TCF20: variants seen among roughly 807,000 people sequenced by gnomAD.
TCF20 encodes transcription factor 20.
TCF20 carries 3 observed loss-of-function variants against 148.6 expected under a neutral mutation model. That is an observed-to-expected ratio of 0.02 (90% confidence interval 0.01 to 0.05). The LOEUF (loss-of-function observed/expected upper bound fraction) is 0.05. Ranked by LOEUF, TCF20 falls within the 10% of genes least tolerant of loss-of-function variation. The pLI, the probability that TCF20 is intolerant of heterozygous loss-of-function variation, is 1.00. For synonymous variants in TCF20, 1,049 were observed against 909.5 expected, an observed-to-expected ratio of 1.15 and a Z score of -2.76; for missense variants, 2,350 against 2,429.3, an observed-to-expected ratio of 0.97 and a Z score of 0.69.
chr22:42,246,998 G>C (rs543186781), intron 1 of TCF20, among the ~76,000 whole-genome samples: 1 of 147,502 alleles, frequency 6.8e-6, no homozygotes, highest in East Asian at 2.0e-4. Context: ...AAGGAAAAAA[G>C]AAAGGTATAA....
chr22:42,174,795 G>T (rs764264913), intron 3 of TCF20, among the ~76,000 whole-genome samples: 6 of 151,952 alleles, frequency 3.9e-5, no homozygotes, highest in African/African-American at 9.7e-5. Flanking sequence ...CAGCACTTTG[G>T]GGGGCCAAGG....
rs1320957208 is a variant in TCF20 at position 42,215,110 on chromosome 22, C to T, written c.196G>A (p.Ala66Thr). 3 of 1,614,078 alleles carry T rather than the reference C, an allele frequency of 1.9e-6. No homozygotes were observed. Among genetic ancestry groups the T allele is most frequent in the Non-Finnish European group, 2.5e-6 (3 of 1,180,034 alleles). Reference protein sequence around the residue: ...GGGRRGAAAAAAAMASETSGH... With the variant: ...GGGRRGAAAATAAMASETSGH... Reference sequence around the variant, plus strand: ...GAGGTCTCGCTAGCCATCGCTGCCGCAGCAGCTGCTGCTCCTCGTCGTCCA... The same window carrying T: ...GAGGTCTCGCTAGCCATCGCTGCCGTAGCAGCTGCTGCTCCTCGTCGTCCA... Residue 66 changes from alanine (A) to threonine (T), a missense_variant, in exon 2 of 6, where the codon GCG becomes ACG. Ala to Thr is a moderately conservative substitution (Grantham distance 58). Transcript: ENST00000677622.
chr22:42,208,841 C>A (rs1041659108), intron 2 of TCF20, among the ~76,000 whole-genome samples: 3 of 152,124 alleles, frequency 2.0e-5, no homozygotes, highest in African/African-American at 7.2e-5. Context: ...ATTGCCTGAA[C>A]TGAAAGACAT....
chr22:42,260,005 T>C (rs1002917398), intron 1 of TCF20, among the ~76,000 whole-genome samples: 1 of 152,166 alleles, frequency 6.6e-6, no homozygotes, highest in Admixed American at 6.5e-5. Context: ...ATTCAGACTA[T>C]GATAAAAGCT....
intron 2 of TCF20, among the ~76,000 whole-genome samples, chr22:42,194,617 C>T (rs1209039550): frequency 6.6e-6 from 1 of 151,452 alleles, no homozygotes; most frequent in Admixed American, 6.6e-5. Context: ...GCGGGGGTAG[C>T]GGTAGATGGT....
intron 1 of TCF20, among the ~76,000 whole-genome samples, chr22:42,262,164 G>A (rs1452784116): frequency 1.3e-5 from 2 of 152,160 alleles, no homozygotes; most frequent in African/African-American, 4.8e-5. Flanking sequence ...AAGTGCTATG[G>A]AAAACCATTA....
chr22:42,210,015 G>A lies in TCF20; in HGVS notation c.5291C>T (p.Thr1764Ile). The A allele has an allele frequency of 6.2e-7, 1 of 1,612,818 alleles. No individual in the cohort carries two copies. The highest frequency in any genetic ancestry group is 8.5e-7 in the Non-Finnish European group (1 of 1,180,018). ...CTGCTGCTGCTCTTCCTCCTCCTCAGTGTCCGTCTTGGAGCCATTAGAAGC... is the reference window on the plus strand; with the variant it reads ...CTGCTGCTGCTCTTCCTCCTCCTCAATGTCCGTCTTGGAGCCATTAGAAGC... ...KSASNGSKTD[T>I]EEEEEQQQQQ... Residue 1764 changes from threonine to isoleucine, a missense_variant, in exon 2 of 6, where the codon ACT (threonine) becomes ATT (isoleucine). Physicochemically the swap from Thr to Ile is moderately conservative, Grantham distance 89 (BLOSUM62 -1). This residue lies in a region of TCF20 where 374 missense variants were observed against 398.3 expected (regional missense o/e 0.94). Coordinates refer to ENST00000677622, the MANE Select transcript of TCF20 (RefSeq NM_001378418.1). This position sits in a 1 kb window ranked among gnomAD's most constrained non-coding sequence, Gnocchi z 4.7.
At chr22:42,236,815 T>A (rs1386991299) in intron 1 of TCF20, among the ~76,000 whole-genome samples, 2 of 152,230 alleles carry the variant, frequency 1.3e-5, no homozygotes, top group Non-Finnish European at 2.9e-5. Flanking sequence ...ATATTAACTT[T>A]TATATGTGTA....
intron 1 of TCF20, among the ~76,000 whole-genome samples, chr22:42,294,550 G>A (rs1569203015): frequency 6.6e-6 from 1 of 152,044 alleles, no homozygotes; most frequent in Non-Finnish European, 1.5e-5. Context: ...TCCGGGAGAG[G>A]GCAGGGCCAG....
chr22:42,283,397 G>A (rs887884281), intron 1 of TCF20, among the ~76,000 whole-genome samples: 1 of 151,642 alleles, frequency 6.6e-6, no homozygotes, highest in African/African-American at 2.4e-5. Flanking sequence ...GGGGACGGGG[G>A]CGCGGCTGGA....
intron 1 of TCF20, among the ~76,000 whole-genome samples, chr22:42,264,573 AATT>A (rs1405666674): frequency 6.6e-6 from 1 of 152,096 alleles, no homozygotes; most frequent in African/African-American, 2.4e-5. Context: ...GGGCTAAACA[AATT>A]ATTTACTTTG....
At chr22:42,270,793 C>T (rs1926583489), upstream of TCF20, among the ~76,000 whole-genome samples, 3 of 145,842 alleles carry the variant, frequency 2.1e-5, no homozygotes, top group South Asian at 4.2e-4. Flanking sequence ...CGTGCCCACC[C>T]GCGTGCGGCG....
rs369571458 is a variant in TCF20 at position 42,213,914 on chromosome 22, G to A, written c.1392C>T (p.Ala464=). The change falls in exon 2 of 6, where the codon GCC becomes GCT. Residue 464 remains alanine (A), a synonymous_variant. Transcript: ENST00000677622. ...TGTGCTGGACAGTGTTAGGAAGATTGGCCACTTGAGTACTCAGAGCACTCA... is the reference window on the plus strand; with the variant it reads ...TGTGCTGGACAGTGTTAGGAAGATTAGCCACTTGAGTACTCAGAGCACTCA... ...SSLSALSTQV[A]NLPNTVQHML... 4 of 1,614,020 alleles carry A rather than the reference G, an allele frequency of 2.5e-6. No homozygotes were observed.
intron 1 of TCF20, among the ~76,000 whole-genome samples, chr22:42,324,129 G>T (rs1601707042): frequency 9.0e-6 from 1 of 111,234 alleles, no homozygotes; most frequent in African/African-American, 4.0e-5. Flanking sequence ...TGGTTATGGT[G>T]GTGGTGGTGG....
intron 1 of TCF20, among the ~76,000 whole-genome samples, chr22:42,229,358 G>C (rs938089128): frequency 1.5e-4 from 23 of 152,148 alleles, no homozygotes; most frequent in African/African-American, 5.6e-4. Context: ...TTTTATTTGA[G>C]ATCTAAGTTT....
At chr22:42,272,608 G>T (rs1454680407), upstream of TCF20, among the ~76,000 whole-genome samples, 1 of 152,114 alleles carries the variant, frequency 6.6e-6, no homozygotes, top group Non-Finnish European at 1.5e-5. Context: ...TTATAACCAT[G>T]CAGCCCCCTC....
chr22:42,212,411 G>C lies in TCF20; in HGVS notation c.2895C>G (p.Ala965=), dbSNP rs1274041658. ...AATCATGGGTTGCTGCTCCAGGGCT[G>C]GCATTGCCGCGGTAAGACTCATGCT... is the stretch of plus-strand genomic sequence containing the variant. ...SIKHESYRGN[A]SPGAATHDSL... is the part of the protein sequence containing the mutation. Residue 965 remains alanine (A), a synonymous_variant, in exon 2 of 6, where the codon GCC becomes GCG. Transcript: ENST00000677622. 1.2e-6 allele frequency: 2 copies of C among 1,614,114 alleles called. No individual in the cohort carries two copies. Among genetic ancestry groups the C allele is most frequent in the Non-Finnish European group, 1.7e-6 (2 of 1,180,054 alleles).
Position 42,212,795 on chromosome 22 carries a change from A to G in TCF20, c.2511T>C (p.Thr837=). The G allele has an allele frequency of 6.2e-7, 1 of 1,614,242 alleles. No homozygotes were observed. The highest frequency in any genetic ancestry group is 8.5e-7 in the Non-Finnish European group (1 of 1,180,042). ...TAPEMKQINL[T]DYPIPRKFEI... ...CAAACTTTCTGGGAATTGGATAGTC[A>G]GTCAAATTGATCTGTTTCATTTCAG... Residue 837 remains threonine (T), a synonymous_variant, in exon 2 of 6, where the codon ACT becomes ACC. Coordinates refer to ENST00000677622, the MANE Select transcript of TCF20 (RefSeq NM_001378418.1).
chr22:42,236,327 T>C (rs1292802025), intron 1 of TCF20, among the ~76,000 whole-genome samples: 1 of 152,228 alleles, frequency 6.6e-6, no homozygotes, highest in Non-Finnish European at 1.5e-5. Context: ...AGGTAATTTT[T>C]GTCATTCTCG....
Sources: gnomAD v4.1 joint callset for allele counts (sites outside exome capture counted in the v4.1 genomes callset) on GRCh38, gnomAD v4.1.1 for gene constraint, gnomAD v4.1.1 regional missense constraint, Gnocchi (gnomAD v3.1) non-coding constraint, MANE v1.5 for transcripts, NCBI Gene and HGNC (gene_info 2026-07-23, HGNC 2026-07-21) for gene names.